DPYD: variants seen among roughly 807,000 people sequenced by gnomAD.
The protein encoded by DPYD is dihydropyrimidine dehydrogenase [NADP(+)].
Under a neutral mutation model 116.2 loss-of-function variants are expected in DPYD, and 109 were observed. The ratio of observed to expected loss-of-function variants is 0.94; its 90% CI spans 0.80 to 1.10. The LOEUF (loss-of-function observed/expected upper bound fraction) is 1.10, where lower values mean the gene tolerates loss of function less well. Ranked by LOEUF, DPYD falls within the 50% of genes least tolerant of loss-of-function variation. The probability of loss-of-function intolerance (pLI) is 0.00; values close to 1 mark genes in which losing one functional copy is unlikely to be tolerated. For missense variants in DPYD, 1,302 were observed against 1,254.5 expected (o/e 1.04, Z -0.57); for synonymous variants, 440 against 432.0 (o/e 1.02, Z -0.23).
At chr1:97,209,272 T>C (rs2101866930) in intron 19 of DPYD, among the ~76,000 whole-genome samples, 1 of 152,300 alleles carries the variant, frequency 6.6e-6, no homozygotes, top group East Asian at 1.9e-4. Context: ...TTGGATTTTA[T>C]GTGTTTTATA....
chr1:97,617,979 G>A (rs1290098741), intron 8 of DPYD, among the ~76,000 whole-genome samples: 1 of 152,134 alleles, frequency 6.6e-6, no homozygotes, highest in Non-Finnish European at 1.5e-5. Flanking sequence ...CAAAATGTAA[G>A]TCATACCAGG....
intron 13 of DPYD, among the ~76,000 whole-genome samples, chr1:97,465,387 A>C: frequency 6.6e-6 from 1 of 152,116 alleles, no homozygotes; most frequent in Non-Finnish European, 1.5e-5. Flanking sequence ...TTGAAATGTG[A>C]GGACATGAAA....
chr1:97,407,053 T>G (rs1158755463), intron 14 of DPYD, among the ~76,000 whole-genome samples: 4 of 152,198 alleles, frequency 2.6e-5, no homozygotes, highest in Non-Finnish European at 5.9e-5. Flanking sequence ...TGCATTTATA[T>G]TCCAATTATA....
chr1:97,488,992 C>T (rs1384729504), intron 13 of DPYD, among the ~76,000 whole-genome samples: 1 of 152,248 alleles, frequency 6.6e-6, no homozygotes, highest in African/African-American at 2.4e-5. Context: ...AAGTTGCTAA[C>T]ACCTCTGGCT....
intron 8 of DPYD, among the ~76,000 whole-genome samples, chr1:97,633,108 A>AT (rs1174995130): frequency 2.0e-5 from 3 of 152,188 alleles, no homozygotes; most frequent in Non-Finnish European, 4.4e-5. Flanking sequence ...AGCCAAAAAA[A>AT]TAATATTTGA....
chr1:97,082,967 T>C (rs1242542000), intron 21 of DPYD, among the ~76,000 whole-genome samples: 1 of 152,156 alleles, frequency 6.6e-6, no homozygotes, highest in Non-Finnish European at 1.5e-5. Flanking sequence ...AGTGCTGTGA[T>C]AGAATACTCA....
chr1:97,683,952 T>C (rs1459451824), intron 7 of DPYD, among the ~76,000 whole-genome samples: 2 of 152,180 alleles, frequency 1.3e-5, no homozygotes, highest in Non-Finnish European at 2.9e-5. Context: ...CTGAAACTAA[T>C]AACTTTAAAT....
chr1:97,361,037 A>G (rs1670695552), intron 16 of DPYD, among the ~76,000 whole-genome samples: 1 of 152,186 alleles, frequency 6.6e-6, no homozygotes, highest in African/African-American at 2.4e-5. Context: ...GAAAAGATCA[A>G]CAAAATTGAT....
At chr1:97,777,884 TGTA>T (rs1666506817) in intron 3 of DPYD, among the ~76,000 whole-genome samples, 1 of 151,620 alleles carries the variant, frequency 6.6e-6, no homozygotes, top group African/African-American at 2.4e-5. Flanking sequence ...AGGAGCCAGG[TGTA>T]GTGGCTCACA....
chr1:97,714,698 T>C (rs926973412), intron 5 of DPYD, among the ~76,000 whole-genome samples: 2 of 150,598 alleles, frequency 1.3e-5, no homozygotes, highest in African/African-American at 2.4e-5. Flanking sequence ...TGTGTTGGTC[T>C]TACCCAACCT....
intron 14 of DPYD, among the ~76,000 whole-genome samples, chr1:97,406,717 G>A (rs184240577): frequency 3.1e-4 from 47 of 152,146 alleles, no homozygotes; most frequent in African/African-American, 1.0e-3. Flanking sequence ...ATGTGTAACC[G>A]GAAACAAGCT....
At chr1:97,885,627 C>T (rs1029958944) in intron 1 of DPYD, among the ~76,000 whole-genome samples, 1 of 152,040 alleles carries the variant, frequency 6.6e-6, no homozygotes, top group African/African-American at 2.4e-5. Flanking sequence ...AAAGCTTTCA[C>T]ATCCATTATG....
At chr1:97,841,752 T>C (rs1238481085) in intron 2 of DPYD, among the ~76,000 whole-genome samples, 1 of 152,032 alleles carries the variant, frequency 6.6e-6, no homozygotes, top group African/African-American at 2.4e-5. Context: ...AATTCATATA[T>C]CATTTTAATG....
At chr1:97,632,308 C>T (rs1442183461) in intron 8 of DPYD, among the ~76,000 whole-genome samples, 1 of 152,078 alleles carries the variant, frequency 6.6e-6, no homozygotes, top group Admixed American at 6.6e-5. Context: ...GTTATCATAG[C>T]TTAATAAATA....
intron 11 of DPYD, among the ~76,000 whole-genome samples, chr1:97,569,499 T>A (rs1652752102): frequency 6.7e-6 from 1 of 149,986 alleles, no homozygotes; most frequent in Non-Finnish European, 1.5e-5. Flanking sequence ...TAAATAAACG[T>A]TTAGAACTTT....
chr1:97,240,363 T>A (rs1464456241), intron 18 of DPYD, among the ~76,000 whole-genome samples: 1 of 151,994 alleles, frequency 6.6e-6, no homozygotes, highest in Non-Finnish European at 1.5e-5. Flanking sequence ...AAAAAAGGAA[T>A]TTTTAATGAG....
chr1:97,243,532 C>A (rs1224246225), intron 18 of DPYD, among the ~76,000 whole-genome samples: 2 of 151,818 alleles, frequency 1.3e-5, no homozygotes, highest in Non-Finnish European at 2.9e-5. Context: ...CTCCCAACAC[C>A]ATGCTCTTAA....
At chr1:97,913,996 T>C (rs11165926) in intron 1 of DPYD, among the ~76,000 whole-genome samples, 148,327 of 152,084 alleles carry the variant, frequency 0.98, 72,454 homozygotes, top group Middle Eastern at 1. Context: ...TCAAAGTGGC[T>C]CAGTCAAGAG....
intron 11 of DPYD, among the ~76,000 whole-genome samples, chr1:97,564,993 A>G (rs1652415542): frequency 6.6e-6 from 1 of 152,100 alleles, no homozygotes; most frequent in South Asian, 2.1e-4. Flanking sequence ...CTAAAATAGA[A>G]TCCAAATTAG....
Sources: allele counts gnomAD v4.1 joint callset (sites outside exome capture counted in the v4.1 genomes callset), GRCh38; gene constraint gnomAD v4.1.1; transcripts MANE v1.5; gene names NCBI Gene and HGNC (gene_info 2026-07-23, HGNC 2026-07-21).